Variants in CRYBA4 observed in about 807,000 individuals in gnomAD.
The protein encoded by CRYBA4 is crystallin beta A4.
Under a neutral mutation model 31.7 loss-of-function variants are expected in CRYBA4, and 30 were observed. The observed-to-expected ratio is 0.95, with a 90% CI of 0.71 to 1.28. The LOEUF is 1.28. Ranked by LOEUF, CRYBA4 falls within the 50% of genes most tolerant of loss-of-function variation. CRYBA4 has a pLI of 0.00. For missense variants in CRYBA4, 225 were observed against 260.7 expected (o/e 0.86, Z 0.94); for synonymous variants, 102 against 102.3 (o/e 1.00, Z 0.02).
chr22:26,619,910 G>A (rs1315286335), upstream of CRYBA4, among the ~76,000 whole-genome samples: 1 of 152,164 alleles, frequency 6.6e-6, no homozygotes, highest in African/African-American at 2.4e-5. Flanking sequence ...TCCACTCTGA[G>A]CATTTATTAT....
chr22:26,622,317 C>T (rs1365612239), intron 1 of CRYBA4, among the ~76,000 whole-genome samples: 1 of 152,154 alleles, frequency 6.6e-6, no homozygotes, highest in East Asian at 1.9e-4. Flanking sequence ...AAAATTTTCC[C>T]ATAACAAGCA....
chr22:26,629,220 G>A (rs972663054), intron 5 of CRYBA4, among the ~76,000 whole-genome samples: 8 of 152,126 alleles, frequency 5.3e-5, no homozygotes, highest in Non-Finnish European at 8.8e-5. Flanking sequence ...CACTTTCTGA[G>A]GTGCCCCTTG....
At chr22:26,596,330 T>G in the CRYBA4 span, among the ~76,000 whole-genome samples, 1 of 151,514 alleles carries the variant, frequency 6.6e-6, no homozygotes, top group Admixed American at 6.6e-5. Flanking sequence ...CTCCTGACCT[T>G]AAGTGATCCA....
the CRYBA4 span, chr22:26,607,847 C>T: frequency 2.5e-6 from 4 of 1,613,766 alleles, no homozygotes; most frequent in Non-Finnish European, 3.4e-6. Context: ...CTGCCCTGCC[C>T]CGCCTGGCTG....
At chr22:26,598,031 CG>C in the CRYBA4 span, among the ~76,000 whole-genome samples, 1 of 152,038 alleles carries the variant, frequency 6.6e-6, no homozygotes, top group African/African-American at 2.4e-5. Flanking sequence ...TACAGGCACC[CG>C]CCACCACAGC....
the CRYBA4 span, among the ~76,000 whole-genome samples, chr22:26,594,432 T>G: frequency 6.6e-6 from 1 of 152,170 alleles, no homozygotes; most frequent in Non-Finnish European, 1.5e-5. Context: ...AGATTACGGG[T>G]TGCCTCTTGT....
the CRYBA4 span, among the ~76,000 whole-genome samples, chr22:26,613,295 A>G: frequency 6.6e-6 from 1 of 152,200 alleles, no homozygotes; most frequent in East Asian, 1.9e-4. Flanking sequence ...CAGTTTCCCC[A>G]GCTGTAAGAG....
the CRYBA4 span, among the ~76,000 whole-genome samples, chr22:26,595,377 G>T: frequency 1.4e-4 from 22 of 152,130 alleles, no homozygotes; most frequent in African/African-American, 5.1e-4. Flanking sequence ...GGGAGTTCGA[G>T]ACCAGCCTGA....
the CRYBA4 span, among the ~76,000 whole-genome samples, chr22:26,615,370 T>C: frequency 1.3e-5 from 2 of 151,712 alleles, no homozygotes; most frequent in African/African-American, 4.9e-5. Flanking sequence ...TTCCTTTTCT[T>C]CTTTTTTTTT....
chr22:26,602,234 A>C, the CRYBA4 span, among the ~76,000 whole-genome samples: 1 of 152,060 alleles, frequency 6.6e-6, no homozygotes, highest in East Asian at 1.9e-4. Context: ...GGATGAAATG[A>C]GTGTATCCAT....
chr22:26,609,153 T>C, the CRYBA4 span, among the ~76,000 whole-genome samples: 1 of 152,158 alleles, frequency 6.6e-6, no homozygotes, highest in East Asian at 1.9e-4. Flanking sequence ...TAGCATCTTC[T>C]CCCAGGGGGC....
chr22:26,627,562 TTC>T (rs201600719), intron 4 of CRYBA4, among the ~76,000 whole-genome samples: 27 of 144,708 alleles, frequency 1.9e-4, no homozygotes, highest in Middle Eastern at 3.4e-3. Context: ...CCTTCTTTCA[TTC>T]TCTGTCTTTC....
intron 3 of CRYBA4, among the ~76,000 whole-genome samples, chr22:26,625,097 C>T (rs1929661537): frequency 6.6e-6 from 1 of 152,188 alleles, no homozygotes; most frequent in Admixed American, 6.5e-5. Context: ...CCTCTGTGGA[C>T]ACGGACGGAG....
At chr22:26,624,468 A>T (rs1929643537) in intron 3 of CRYBA4, among the ~76,000 whole-genome samples, 1 of 152,272 alleles carries the variant, frequency 6.6e-6, no homozygotes, top group South Asian at 2.1e-4. Flanking sequence ...AGAAGGTTGT[A>T]GAAGTTTGGA....
the CRYBA4 span, among the ~76,000 whole-genome samples, chr22:26,600,795 T>G: frequency 4.9e-4 from 74 of 152,364 alleles, 1 homozygote; most frequent in African/African-American, 1.8e-3. Context: ...AGTTCCATCC[T>G]CTGCAGATAA....
intron 5 of CRYBA4, among the ~76,000 whole-genome samples, chr22:26,629,276 C>CT (rs796660077): frequency 0.029 from 4,149 of 145,418 alleles, 104 homozygotes; most frequent in African/African-American, 0.064. Context: ...GGTTTTTCAT[C>CT]TTTTTTTTTT....
At chr22:26,601,464 C>G in the CRYBA4 span, among the ~76,000 whole-genome samples, 1 of 151,846 alleles carries the variant, frequency 6.6e-6, no homozygotes, top group East Asian at 2.0e-4. Flanking sequence ...TCAGGGCCAT[C>G]TTATGATGCA....
upstream of CRYBA4, among the ~76,000 whole-genome samples, chr22:26,621,684 C>T (rs890803129): frequency 6.6e-6 from 1 of 152,248 alleles, no homozygotes; most frequent in African/African-American, 2.4e-5. Flanking sequence ...TTCTGGACTC[C>T]TCATCTAGTG....
upstream of CRYBA4, among the ~76,000 whole-genome samples, chr22:26,618,575 G>C (rs992603741): frequency 6.6e-6 from 1 of 152,208 alleles, no homozygotes; most frequent in Non-Finnish European, 1.5e-5. Context: ...TGCCGAACCC[G>C]TGTTATCTCG....
Sources: allele counts gnomAD v4.1 joint callset (sites outside exome capture counted in the v4.1 genomes callset), GRCh38; gene constraint gnomAD v4.1.1; transcripts MANE v1.5; gene names NCBI Gene and HGNC (gene_info 2026-07-23, HGNC 2026-07-21).